The following KDM4C variants were observed in gnomAD, a reference collection of about 807,000 sequenced individuals.
KDM4C encodes the protein lysine demethylase 4C, also known as lysine-specific demethylase 4C.
Under a neutral mutation model 129.3 loss-of-function variants are expected in KDM4C, and 81 were observed. The ratio of observed to expected loss-of-function variants is 0.63; its 90% CI spans 0.52 to 0.75. KDM4C has a LOEUF of 0.75. Among genes scored for constraint, KDM4C ranks in the 30% least tolerant of loss-of-function variants. The probability of loss-of-function intolerance (pLI) is 0.00; values close to 1 mark genes in which losing one functional copy is unlikely to be tolerated. For missense variants in KDM4C, 1,457 were observed against 1,304.0 expected, an observed-to-expected ratio of 1.12 and a Z score of -1.81; for synonymous variants, 573 against 456.1, an observed-to-expected ratio of 1.26 and a Z score of -3.26.
intron 7 of KDM4C, among the ~76,000 whole-genome samples, chr9:6,890,901 C>T (rs1214110667): frequency 3.9e-5 from 6 of 152,314 alleles, no homozygotes; most frequent in Middle Eastern, 3.4e-3. Context: ...GAGCTTGAAC[C>T]GTGCTGGGCA....
chr9:6,833,954 A>G (rs1308798288), intron 4 of KDM4C, among the ~76,000 whole-genome samples: 1 of 151,908 alleles, frequency 6.6e-6, no homozygotes, highest in Non-Finnish European at 1.5e-5. Context: ...GTTTTTGAGA[A>G]ATATACCACT....
chr9:6,946,899 T>C (rs1054738858), intron 8 of KDM4C, among the ~76,000 whole-genome samples: 7 of 152,090 alleles, frequency 4.6e-5, no homozygotes, highest in Non-Finnish European at 8.8e-5. Context: ...AAATTAAAAT[T>C]TATCTCTAAA....
intron 10 of KDM4C, among the ~76,000 whole-genome samples, chr9:6,985,454 A>G (rs562158817): frequency 1.4e-4 from 21 of 152,240 alleles, no homozygotes; most frequent in East Asian, 3.9e-4. Flanking sequence ...TTACAATCCA[A>G]TGTGGTAAGT....
intron 4 of KDM4C, among the ~76,000 whole-genome samples, chr9:6,826,880 A>AAG (rs60327587): frequency 1.8e-4 from 27 of 151,980 alleles, no homozygotes; most frequent in African/African-American, 5.3e-4. Context: ...AAAAAAAAAA[A>AAG]GAAAATGTAT....
intron 1 of KDM4C, among the ~76,000 whole-genome samples, chr9:6,776,776 G>A (rs888591828): frequency 6.6e-6 from 1 of 151,060 alleles, no homozygotes; most frequent in African/African-American, 2.4e-5. Context: ...TAATTTTTGT[G>A]TTATTTTTAG....
intron 3 of KDM4C, among the ~76,000 whole-genome samples, chr9:6,812,443 G>T (rs900455408): frequency 1.3e-5 from 2 of 152,170 alleles, no homozygotes; most frequent in African/African-American, 4.8e-5. Flanking sequence ...GACTGGTTTT[G>T]TGGAAGATAA....
intron 15 of KDM4C, among the ~76,000 whole-genome samples, chr9:7,041,253 C>T (rs1828555278): frequency 6.6e-6 from 1 of 151,884 alleles, no homozygotes; most frequent in African/African-American, 2.4e-5. Context: ...ATATCTTTTA[C>T]ATTGTATTAA....
chr9:7,155,109 G>A (rs1235426081), intron 19 of KDM4C, among the ~76,000 whole-genome samples: 7 of 152,112 alleles, frequency 4.6e-5, no homozygotes, highest in African/African-American at 9.7e-5. Flanking sequence ...AAAAGAAGTC[G>A]CCCAAGTCAG....
intron 6 of KDM4C, among the ~76,000 whole-genome samples, chr9:6,882,867 A>C (rs1240567918): frequency 1.3e-5 from 2 of 151,674 alleles, no homozygotes; most frequent in Non-Finnish European, 2.9e-5. Context: ...CTTGATTTTA[A>C]TCCTGTGGAG....
chr9:7,122,620 A>T (rs1322767948), intron 18 of KDM4C, among the ~76,000 whole-genome samples: 3 of 152,208 alleles, frequency 2.0e-5, no homozygotes, highest in Non-Finnish European at 4.4e-5. Context: ...TTACCTCATG[A>T]ATATGGACAT....
Position 6,971,469 on chromosome 9 carries a change from C to T in KDM4C, c.922-9456C>T, listed in dbSNP as rs767887486. Reference sequence around the variant, plus strand: ...TCTGTAGAGTAAAAATACACCTGATCGTACCAAATCACTTTCTAGATTTTA... The same window carrying T: ...TCTGTAGAGTAAAAATACACCTGATTGTACCAAATCACTTTCTAGATTTTA... On this transcript the variant is annotated intron_variant, in intron 8 of 21. Coordinates refer to ENST00000381309, the MANE Select transcript of KDM4C (RefSeq NM_015061.6). 2.0e-4 allele frequency among the ~76,000 whole-genome samples: 31 copies of T among 152,296 alleles called. 1 individual carries two copies. The highest frequency in any genetic ancestry group is 7.8e-4 in the Admixed American group (12 of 15,304).
intron 1 of KDM4C, among the ~76,000 whole-genome samples, chr9:6,732,759 C>T (rs2130222776): frequency 6.7e-6 from 1 of 149,798 alleles, no homozygotes; most frequent in East Asian, 2.0e-4. Flanking sequence ...ACGCCTATAA[C>T]TGCAGCACTT....
chr9:6,793,926 G>A (rs1237454626), intron 2 of KDM4C, among the ~76,000 whole-genome samples: 1 of 152,036 alleles, frequency 6.6e-6, no homozygotes, highest in Non-Finnish European at 1.5e-5. Context: ...GTGCAATTCA[G>A]TGATTTTGAG....
rs763735119 is a variant in KDM4C, at chr9:7,076,464, T to TAAC, written c.2425-27209_2425-27207dup. On this transcript the variant is annotated intron_variant, in intron 17 of 21. Transcript: ENST00000381309. ...GCTGGGAATCTAGACACAGCAACAG[T>TAAC]AACAACAACAACAATAACAATGAAG... 4.5e-6 allele frequency: 7 copies of TAAC among 1,542,222 alleles called. No homozygotes were observed. In the South Asian group the frequency reaches 4.8e-5, roughly 11 times the overall value.
chr9:6,732,097 G>A (rs772593517), intron 1 of KDM4C, among the ~76,000 whole-genome samples: 7 of 151,936 alleles, frequency 4.6e-5, no homozygotes, highest in Non-Finnish European at 8.8e-5. Context: ...GCTGGGTGTG[G>A]TGGCTCACAT....
intron 5 of KDM4C, among the ~76,000 whole-genome samples, chr9:6,876,671 T>G (rs1472417202): frequency 6.6e-6 from 1 of 152,116 alleles, no homozygotes; most frequent in Non-Finnish European, 1.5e-5. Context: ...TGGTGTAGGG[T>G]TAGCAGGGGT....
intron 17 of KDM4C, among the ~76,000 whole-genome samples, chr9:7,059,881 A>T (rs893051511): frequency 5.9e-5 from 9 of 152,122 alleles, no homozygotes; most frequent in African/African-American, 1.2e-4. Flanking sequence ...ATATATTTTT[A>T]AAAATTTCCA....
chr9:6,868,071 G>C (rs1387157571), intron 5 of KDM4C, among the ~76,000 whole-genome samples: 1 of 152,098 alleles, frequency 6.6e-6, no homozygotes, highest in Admixed American at 6.5e-5. Flanking sequence ...ATAAGGCAGA[G>C]CTGATATGGA....
At chr9:6,789,324 A>T (rs1826089293) in intron 1 of KDM4C, among the ~76,000 whole-genome samples, 1 of 147,858 alleles carries the variant, frequency 6.8e-6, no homozygotes, top group African/African-American at 2.5e-5. Flanking sequence ...GGGTTCAAGC[A>T]ATTCTCCCGC....
Sources: gnomAD v4.1 joint callset for allele counts (sites outside exome capture counted in the v4.1 genomes callset) on GRCh38, gnomAD v4.1.1 for gene constraint, MANE v1.5 for transcripts, NCBI Gene and HGNC (gene_info 2026-07-23, HGNC 2026-07-21) for gene names.